The following MCMDC2 variants were observed in gnomAD, a reference collection of about 807,000 sequenced individuals.
MCMDC2 encodes minichromosome maintenance domain containing 2.
MCMDC2 carries 54 observed loss-of-function variants against 75.8 expected under a neutral mutation model. The observed-to-expected ratio is 0.71, with a 90% CI of 0.57 to 0.89. The LOEUF is 0.89. Among genes scored for constraint, MCMDC2 ranks in the 40% least tolerant of loss-of-function variants. The probability of loss-of-function intolerance (pLI) is 0.00; values close to 1 mark genes in which losing one functional copy is unlikely to be tolerated. For missense variants in MCMDC2, 656 were observed against 780.4 expected (o/e 0.84, Z 1.90); for synonymous variants, 249 against 274.6 (o/e 0.91, Z 0.92).
At chr8:66,923,492 A>G (rs1813624321), downstream of MCMDC2, among the ~76,000 whole-genome samples, 2 of 152,236 alleles carry the variant, frequency 1.3e-5, no homozygotes, top group African/African-American at 4.8e-5. Context: ...AATATAAACT[A>G]CTGGTTTTGA....
At chr8:66,917,601 ACT>A (rs1813372805) in intron 14 of MCMDC2, among the ~76,000 whole-genome samples, 1 of 151,972 alleles carries the variant, frequency 6.6e-6, no homozygotes, top group Admixed American at 6.6e-5. Context: ...GGGAGCCATC[ACT>A]CTACTGCCTC....
At chr8:66,899,476 A>T (rs1812527476) in intron 12 of MCMDC2, among the ~76,000 whole-genome samples, 1 of 152,172 alleles carries the variant, frequency 6.6e-6, no homozygotes. Context: ...AATCCAGGAC[A>T]TGTCCAATCT....
chr8:66,893,014 G>A (rs1812185260), intron 10 of MCMDC2, among the ~76,000 whole-genome samples: 1 of 152,138 alleles, frequency 6.6e-6, no homozygotes, highest in African/African-American at 2.4e-5. Flanking sequence ...GAGAGATATT[G>A]GTCTGTAGGG....
chr8:66,890,721 A>G (rs924214884), intron 9 of MCMDC2, 144 bp from the exon 10 acceptor site: 1 of 723,996 alleles, frequency 1.4e-6, no homozygotes, highest in Admixed American at 3.2e-5. Context: ...GGATTTTACC[A>G]TGTTAGTCAT....
rs549793051 is a variant in MCMDC2 at position 66,921,530 on chromosome 8, G to C, written c.*2361G>C. On this transcript the variant is annotated 3_prime_UTR_variant, in exon 15 of 15. Coordinates refer to ENST00000422365, the MANE Select transcript of MCMDC2 (RefSeq NM_173518.5). ...AAACCTTCACCCAGATATAAATTCA[G>C]CTTTAGAATTCTTGCCAATTTAGTC... 1 of 152,190 alleles carries C rather than the reference G, an allele frequency of 6.6e-6. No homozygotes were observed. Among genetic ancestry groups the C allele is most frequent in the Admixed American group, 6.5e-5 (1 of 15,270 alleles). 9.4% of individuals were successfully genotyped at this position (152,190 alleles called of 1,614,324 possible). A position where few individuals can be genotyped will look rare whatever the true frequency, so the allele number is the denominator to read the frequency against.
In MCMDC2 at chr8:66,879,006, A is replaced by T. The variant is rs1029860807; in HGVS notation, c.709+87A>T. ...GTGGCTGGCTCATGCCTGTAATCCCAACACTTTTGGAGGCTGAGGTGGGAG... is the reference window on the plus strand; with the variant it reads ...GTGGCTGGCTCATGCCTGTAATCCCTACACTTTTGGAGGCTGAGGTGGGAG... On this transcript the variant is annotated intron_variant, in intron 7 of 14. Transcript: ENST00000422365. 14 of 803,658 alleles carry T rather than the reference A, an allele frequency of 1.7e-5. No homozygotes were observed. In the East Asian group the frequency reaches 3.5e-4, roughly 20 times the overall value. The allele number at this position is 803,658 out of a possible 1,614,324, so 49.8% of individuals were successfully genotyped here. A position where few individuals can be genotyped will look rare whatever the true frequency, so the allele number is the denominator to read the frequency against.
intron 10 of MCMDC2, among the ~76,000 whole-genome samples, chr8:66,891,798 A>G (rs1201694059): frequency 6.6e-6 from 1 of 152,222 alleles, no homozygotes; most frequent in Non-Finnish European, 1.5e-5. Flanking sequence ...GGGTCTGGCC[A>G]CTGCACATAG....
chr8:66,876,747 T>A (rs1334331808), intron 4 of MCMDC2, among the ~76,000 whole-genome samples: 1 of 151,996 alleles, frequency 6.6e-6, no homozygotes, highest in East Asian at 1.9e-4. Flanking sequence ...TTATTTTATT[T>A]TATTTTGAGA....
intron 8 of MCMDC2, among the ~76,000 whole-genome samples, chr8:66,881,697 A>T (rs1032675301): frequency 6.6e-6 from 1 of 152,228 alleles, no homozygotes; most frequent in East Asian, 1.9e-4. Flanking sequence ...AAAGAAAAAA[A>T]AATAAAAAGC....
rs1813460128 is a variant in MCMDC2, at chr8:66,919,983, TCA to T, written c.*815_*816del. On this transcript the variant is annotated 3_prime_UTR_variant, in exon 15 of 15. Coordinates refer to ENST00000422365, the MANE Select transcript of MCMDC2 (RefSeq NM_173518.5). ...GTAAAATTTATAAATCCTTTTTAGT[TCA>T]GTTTCCATAACTTTAATAAAAGATC... 6.6e-6 allele frequency: 1 copy of T among 152,228 alleles called. No homozygotes were observed. The highest frequency in any genetic ancestry group is 3.2e-3 in the Middle Eastern group (1 of 316). 9.4% of individuals were successfully genotyped at this position (152,228 alleles called of 1,614,324 possible).
At chr8:66,885,792 T>C (rs1811810111) in intron 9 of MCMDC2, among the ~76,000 whole-genome samples, 1 of 152,202 alleles carries the variant, frequency 6.6e-6, no homozygotes, top group South Asian at 2.1e-4. Context: ...TCAGTTCCTA[T>C]CTTCACTGGT....
downstream of MCMDC2, chr8:66,922,273 CAGAT>C (rs1813573161): frequency 4.0e-6 from 1 of 251,722 alleles, no homozygotes; most frequent in Admixed American, 5.1e-5. Flanking sequence ...TTAAGTTTAT[CAGAT>C]ACTTTCTGAA....
chr8:66,893,394 G>A (rs1285560383), intron 10 of MCMDC2, among the ~76,000 whole-genome samples: 2 of 152,164 alleles, frequency 1.3e-5, no homozygotes, highest in Non-Finnish European at 2.9e-5. Flanking sequence ...CTGTTTTCAT[G>A]TTGCTGATAA....
chr8:66,874,371 A>T lies in MCMDC2; in HGVS notation c.140A>T (p.Asn47Ile). 6.2e-7 allele frequency: 1 copy of T among 1,613,148 alleles called. No homozygotes were observed. The highest frequency in any genetic ancestry group is 8.5e-7 in the Non-Finnish European group (1 of 1,179,726). ...YAVYRFKILINPSDVVELDAE... is the reference protein window; with the variant it reads ...YAVYRFKILIIPSDVVELDAE... ...GTCTATCGATTCAAAATTTTAATAA[A>T]TCCCTCTGATGTTGTTGAATTAGAT... The change falls in exon 3 of 15, where the codon AAT (asparagine) becomes ATT (isoleucine). Residue 47 changes from asparagine to isoleucine, a missense_variant. Coordinates refer to ENST00000422365, the MANE Select transcript of MCMDC2 (RefSeq NM_173518.5).
At chr8:66,888,103 CAG>C (rs1208281093) in intron 9 of MCMDC2, among the ~76,000 whole-genome samples, 1 of 152,100 alleles carries the variant, frequency 6.6e-6, no homozygotes, top group Non-Finnish European at 1.5e-5. Context: ...ATTTTTGAGA[CAG>C]GGTCACGGTC....
intron 14 of MCMDC2, among the ~76,000 whole-genome samples, chr8:66,913,137 T>A (rs185230113): frequency 6.6e-6 from 1 of 152,304 alleles, no homozygotes; most frequent in African/African-American, 2.4e-5. Context: ...AGACAAGACC[T>A]TCCACCAGCA....
intron 1 of MCMDC2, among the ~76,000 whole-genome samples, 195 bp downstream of exon 1, chr8:66,871,026 G>A (rs55908168): frequency 6.6e-6 from 1 of 152,214 alleles, no homozygotes; most frequent in African/African-American, 2.4e-5. Flanking sequence ...CCTGTTCCAC[G>A]TGCAGCAACA....
At position 66,878,583 on chromosome 8, in the gene MCMDC2, A is replaced by G; in HGVS notation, c.491A>G (p.Tyr164Cys). The stretch of plus-strand genomic sequence containing the variant: ...CACTGTTTTCTTTCAGGATTTCAGT[A>G]TATAAGAGTGCATGTGCCTGGTGCT... The part of the protein sequence containing the change: ...EACPLSKGFQ[Y>C]IRVHVPGATE... Residue 164 changes from tyrosine to cysteine, a missense_variant, in exon 6 of 15, where the codon TAT becomes TGT. Transcript: ENST00000422365. The G allele has an allele frequency of 6.3e-7, 1 of 1,579,414 alleles. No individual in the cohort carries two copies. Among genetic ancestry groups the G allele is most frequent in the Non-Finnish European group, 8.6e-7 (1 of 1,167,160 alleles).
chr8:66,878,988 G>A lies in MCMDC2; in HGVS notation c.709+69G>A. On this transcript the variant is annotated intron_variant, in intron 7 of 14. Transcript: ENST00000422365. The stretch of plus-strand genomic sequence containing the variant: ...TGTAATTGGCTGGGCACAGTGGCTG[G>A]CTCATGCCTGTAATCCCAACACTTT... 6.5e-6 allele frequency: 6 copies of A among 926,592 alleles called. No individual in the cohort carries two copies. The South Asian group carries it at 8.5e-5, about 13-fold the overall frequency. The allele number at this position is 926,592 out of a possible 1,614,324, so 57.4% of individuals were successfully genotyped here. A position where few individuals can be genotyped will look rare whatever the true frequency, so the allele number is the denominator to read the frequency against.
Sources: gnomAD v4.1 joint callset for allele counts (sites outside exome capture counted in the v4.1 genomes callset) on GRCh38, gnomAD v4.1.1 for gene constraint, MANE v1.5 for transcripts, NCBI Gene and HGNC (gene_info 2026-07-23, HGNC 2026-07-21) for gene names.